Variants in POTEJ observed in about 807,000 individuals in gnomAD.
POTEJ encodes the protein POTE ankyrin domain family member J, also known as POTE ankyrin domain family, member J.
Under a neutral mutation model 69.0 loss-of-function variants are expected in POTEJ, and 11 were observed. The observed-to-expected ratio is 0.16, with a 90% CI of 0.10 to 0.26. POTEJ has a LOEUF of 0.26. POTEJ is among the 10% of genes least tolerant of loss of function. The pLI, the probability that POTEJ is intolerant of heterozygous loss-of-function variation, is 1.00. For synonymous variants in POTEJ, 117 were observed against 381.1 expected, an observed-to-expected ratio of 0.31 and a Z score of 8.07; for missense variants, 327 against 1,045.5, an observed-to-expected ratio of 0.31 and a Z score of 9.48.
At chr2:130,636,401 A>G (rs1182761817) in intron 9 of POTEJ, among the ~76,000 whole-genome samples, 3 of 146,926 alleles carry the variant, frequency 2.0e-5, no homozygotes, top group Non-Finnish European at 1.5e-5. Flanking sequence ...ACCTATTTGT[A>G]TCTTGACATC....
chr2:130,637,945 A>C (rs1686171871), intron 9 of POTEJ, among the ~76,000 whole-genome samples: 1 of 147,366 alleles, frequency 6.8e-6, no homozygotes, highest in African/African-American at 2.5e-5. Flanking sequence ...TATCTACTTT[A>C]ATGAGATATT....
chr2:130,655,949 G>A (rs1205020785), intron 14 of POTEJ, among the ~76,000 whole-genome samples: 3 of 140,480 alleles, frequency 2.1e-5, no homozygotes, highest in Admixed American at 7.3e-5. Context: ...GATGTGTACA[G>A]TGTAGAAGGG....
intron 1 of POTEJ, among the ~76,000 whole-genome samples, chr2:130,614,494 T>G (rs1685359023): frequency 6.7e-6 from 1 of 149,992 alleles, no homozygotes; most frequent in South Asian, 2.1e-4. Context: ...AGGGTGTCAG[T>G]AGATACAGAG....
In POTEJ at chr2:130,657,164, A is replaced by C; in HGVS notation, c.2404A>C (p.Met802Leu). Residue 802 changes from methionine (M) to leucine (L), a missense_variant, in exon 15 of 15, where the codon ATG becomes CTG. Transcript: ENST00000409602. The stretch of plus-strand genomic sequence containing the variant: ...AGCCATGTACGTGGCCATCCAGGCC[A>C]TGCTGTCCCTGTACACCTCTGGCCG... ...TPAMYVAIQA[M>L]LSLYTSGRTT... is the part of the protein sequence containing the mutation. 1 of 1,372,528 alleles carries C rather than the reference A, an allele frequency of 7.3e-7. No homozygotes were observed. Among genetic ancestry groups the C allele is most frequent in the Non-Finnish European group, 9.8e-7 (1 of 1,023,158 alleles). The allele number at this position is 1,372,528 out of a possible 1,614,324, so 85.0% of individuals were successfully genotyped here. A position where few individuals can be genotyped will look rare whatever the true frequency, so the allele number is the denominator to read the frequency against.
At chr2:130,626,804 C>G (rs1222636586) in intron 6 of POTEJ, among the ~76,000 whole-genome samples, 2 of 152,162 alleles carry the variant, frequency 1.3e-5, no homozygotes, top group Non-Finnish European at 2.9e-5. Flanking sequence ...GGAATCTCAA[C>G]TACTTGTTTT....
chr2:130,637,651 T>C (rs1193620001), intron 9 of POTEJ, among the ~76,000 whole-genome samples: 1 of 152,272 alleles, frequency 6.6e-6, no homozygotes, highest in Non-Finnish European at 1.5e-5. Flanking sequence ...CCAAATAACG[T>C]GTGGGGTGTT....
chr2:130,650,366 G>A (rs1255363476), intron 13 of POTEJ, among the ~76,000 whole-genome samples: 4 of 152,340 alleles, frequency 2.6e-5, no homozygotes, highest in East Asian at 3.9e-4. Flanking sequence ...CTCCTCTAAC[G>A]TACTGTGTAT....
rs1323079991 is a variant in POTEJ at position 130,630,575 on chromosome 2, TTCTGCCTTATGGTC to T, written c.1086+560_1086+573del. ...CACTGATACCAAGCTTAAAAATATA[TTCTGCCTTATGGTC>T]TCTCATTGACCTCAGCGTTTCTGTT... On this transcript the variant is annotated intron_variant, in intron 7 of 14. Coordinates refer to ENST00000409602, the MANE Select transcript of POTEJ (RefSeq NM_001277083.2). Among the ~76,000 whole-genome samples the T allele has an allele frequency of 4.9e-5, 7 of 141,642 alleles. 1 individual carries two copies. Among genetic ancestry groups the T allele is most frequent in the African/African-American group, 2.0e-4 (7 of 35,200 alleles). The allele number at this position is 141,642 out of a possible 152,430, so 92.9% of individuals were successfully genotyped here.
chr2:130,646,515 C>A (rs1291393363), intron 13 of POTEJ, among the ~76,000 whole-genome samples: 2 of 131,054 alleles, frequency 1.5e-5, no homozygotes, highest in Non-Finnish European at 3.1e-5. Flanking sequence ...CCAGTATTGA[C>A]AAATGTGAGG....
At position 130,630,894 on chromosome 2, in the gene POTEJ, T is replaced by A. The variant is rs1486164944; in HGVS notation, c.1087-515T>A. 2.1e-5 allele frequency among the ~76,000 whole-genome samples: 3 copies of A among 143,348 alleles called. 1 individual carries two copies. Among genetic ancestry groups the A allele is most frequent in the African/African-American group, 8.3e-5 (3 of 36,154 alleles). The allele number at this position is 143,348 out of a possible 152,430, so 94.0% of individuals were successfully genotyped here. A position where few individuals can be genotyped will look rare whatever the true frequency, so the allele number is the denominator to read the frequency against. On this transcript the variant is annotated intron_variant, in intron 7 of 14. Coordinates refer to ENST00000409602, the MANE Select transcript of POTEJ (RefSeq NM_001277083.2). ...ATTGGAGAATTTGCATCTCTTTCTG[T>A]TTGGTGTTGATTTCGGCTCCTAATA...
At chr2:130,613,456 C>T (rs1685317220) in intron 1 of POTEJ, among the ~76,000 whole-genome samples, 1 of 139,414 alleles carries the variant, frequency 7.2e-6, no homozygotes, top group African/African-American at 2.8e-5. Flanking sequence ...AGCTGGAGTG[C>T]AGTGGTGTGA....
In POTEJ at chr2:130,652,950, T is replaced by G. The variant is rs1195585672; in HGVS notation, c.1668-1971T>G. Among the ~76,000 whole-genome samples, 9 of 142,620 alleles carry G rather than the reference T, an allele frequency of 6.3e-5. 1 individual carries two copies. The highest frequency in any genetic ancestry group is 1.4e-4 in the Non-Finnish European group (9 of 64,228). 93.6% of individuals were successfully genotyped at this position (142,620 alleles called of 152,430 possible). Reference sequence around the variant, plus strand: ...TTGATTTGTTTGAGTTTCTTGTAGGTTATAGATATTAGTCCTTTGTTAGCA... The same window carrying G: ...TTGATTTGTTTGAGTTTCTTGTAGGGTATAGATATTAGTCCTTTGTTAGCA... On this transcript the variant is annotated intron_variant, in intron 13 of 14. Transcript: ENST00000409602.
chr2:130,637,037 G>A (rs553358031), intron 9 of POTEJ, among the ~76,000 whole-genome samples: 29 of 145,684 alleles, frequency 2.0e-4, no homozygotes, highest in Admixed American at 5.5e-4. Context: ...CGAGATCGTT[G>A]CACTGCACTC....
In POTEJ at chr2:130,629,477, G is replaced by C. The variant is rs535945078; in HGVS notation, c.1016-472G>C. On this transcript the variant is annotated intron_variant, in intron 6 of 14. Transcript: ENST00000409602. ...AGGATTTTGTTTTCTTAACCTTGCT[G>C]TGGGATGTCTGGAGCCCATACCTGT... 1.4e-3 allele frequency among the ~76,000 whole-genome samples: 193 copies of C among 140,874 alleles called. 6 individuals are homozygous for C. The Middle Eastern group carries it at 0.029, about 21-fold the overall frequency. 92.4% of individuals were successfully genotyped at this position (140,874 alleles called of 152,430 possible).
intron 6 of POTEJ, among the ~76,000 whole-genome samples, chr2:130,627,425 G>C (rs1685751050): frequency 7.1e-6 from 1 of 140,586 alleles, no homozygotes; most frequent in South Asian, 2.1e-4. Context: ...GTTCCTTTTA[G>C]GGAATGATAC....
intron 1 of POTEJ, among the ~76,000 whole-genome samples, chr2:130,612,801 A>C (rs1219197187): frequency 5.4e-5 from 8 of 147,334 alleles, no homozygotes; most frequent in Non-Finnish European, 1.2e-4. Flanking sequence ...AGCTTTTTCT[A>C]TTTATCACTT....
chr2:130,613,262 A>C (rs1334237486), intron 1 of POTEJ, among the ~76,000 whole-genome samples: 2 of 55,822 alleles, frequency 3.6e-5, no homozygotes, highest in Non-Finnish European at 6.1e-5. Flanking sequence ...ATACACATAT[A>C]TACATATATA....
intron 1 of POTEJ, among the ~76,000 whole-genome samples, chr2:130,613,828 G>A (rs1191492676): frequency 3.2e-5 from 4 of 126,252 alleles, no homozygotes; most frequent in African/African-American, 1.4e-4. Context: ...ATTTAAGTTA[G>A]AAGAGGAATG....
rs779462410 is a variant in POTEJ, at chr2:130,657,540, C to T, written c.2780C>T (p.Pro927Leu). ...WFRCPEALFQ[P>L]CFLGMESCGI... Reference sequence around the variant, plus strand: ...CGCTGCCCCGAGGCGCTCTTCCAGCCTTGCTTCCTGGGCATGGAATCCTGT... The same window carrying T: ...CGCTGCCCCGAGGCGCTCTTCCAGCTTTGCTTCCTGGGCATGGAATCCTGT... The change falls in exon 15 of 15, where the codon CCT becomes CTT. Residue 927 changes from proline (P) to leucine (L), a missense_variant. Transcript: ENST00000409602. 38 of 1,565,068 alleles carry T rather than the reference C, an allele frequency of 2.4e-5. 6 individuals are homozygous for T. In the South Asian group the frequency reaches 4.0e-4, roughly 16 times the overall value.
Sources: gnomAD v4.1 joint callset for allele counts (sites outside exome capture counted in the v4.1 genomes callset) on GRCh38, gnomAD v4.1.1 for gene constraint, MANE v1.5 for transcripts, NCBI Gene and HGNC (gene_info 2026-07-23, HGNC 2026-07-21) for gene names.